HIVEP3: variants seen among roughly 807,000 people sequenced by gnomAD.
The protein encoded by HIVEP3 is transcription factor HIVEP3.
In HIVEP3, 49 loss-of-function variants were observed where a neutral mutation model predicts 152.8. That is an observed-to-expected ratio of 0.32 (90% CI 0.26 to 0.41). HIVEP3 has a LOEUF of 0.41. HIVEP3 is among the 10% of genes least tolerant of loss of function. HIVEP3 has a pLI of 1.00. For synonymous variants in HIVEP3, 1,269 were observed against 1,289.0 expected (o/e 0.98, Z 0.33); for missense variants, 2,790 against 3,103.3 (o/e 0.90, Z 2.40).
chr1:41,720,974 C>T (rs753445800), intron 1 of HIVEP3, among the ~76,000 whole-genome samples: 4 of 152,118 alleles, frequency 2.6e-5, no homozygotes, highest in Non-Finnish European at 2.9e-5. Flanking sequence ...TCCACTTAGA[C>T]GTAGTGTCTA....
upstream of HIVEP3, among the ~76,000 whole-genome samples, chr1:41,920,588 T>TTG (rs1034967831): frequency 1.3e-4 from 18 of 139,486 alleles, no homozygotes; most frequent in East Asian, 1.3e-3. Flanking sequence ...TTTTTTTTTT[T>TTG]TTGTTTTGTT....
intron 1 of HIVEP3, among the ~76,000 whole-genome samples, chr1:41,705,605 A>C (rs944935832): frequency 3.5e-4 from 54 of 152,232 alleles, no homozygotes; most frequent in Non-Finnish European, 5.0e-4. Flanking sequence ...GGGGTGCTGG[A>C]AGCAAATGTT....
chr1:41,887,438 C>T (rs953350163), intron 1 of HIVEP3, among the ~76,000 whole-genome samples: 3 of 152,144 alleles, frequency 2.0e-5, no homozygotes, highest in African/African-American at 2.4e-5. Flanking sequence ...AAATCTCAAC[C>T]CATCCCTGGA....
intron 1 of HIVEP3, among the ~76,000 whole-genome samples, chr1:42,026,313 G>A (rs1350540268): frequency 1.3e-5 from 2 of 152,090 alleles, no homozygotes; most frequent in Non-Finnish European, 2.9e-5. Flanking sequence ...TCCTTGTCCT[G>A]CAAGGCCGCC....
intron 1 of HIVEP3, among the ~76,000 whole-genome samples, chr1:41,806,670 G>A (rs2124320670): frequency 6.6e-6 from 1 of 152,332 alleles, no homozygotes; most frequent in South Asian, 2.1e-4. Context: ...GAGCAGGAAG[G>A]GGGAAACTGT....
chr1:42,003,604 G>A (rs1645441140), intron 1 of HIVEP3, among the ~76,000 whole-genome samples: 1 of 152,124 alleles, frequency 6.6e-6, no homozygotes, highest in South Asian at 2.1e-4. Context: ...TCCTGGCACA[G>A]ATCCTGAAAT....
chr1:41,878,716 C>T lies in HIVEP3; in HGVS notation c.-801+39697G>A, dbSNP rs374176489. Among the ~76,000 whole-genome samples, 30 of 144,338 alleles carry T rather than the reference C, an allele frequency of 2.1e-4. No homozygotes were observed. In the East Asian group the frequency reaches 4.2e-3, roughly 20 times the overall value. The allele number at this position is 144,338 out of a possible 152,430, so 94.7% of individuals were successfully genotyped here. On this transcript the variant is annotated intron_variant, in intron 1 of 8. Transcript: ENST00000372583. ...CTCCTCCTCCCTCTCTTTCTAACTC[C>T]CTCCCTTCCTTCCTCTCCTTCCCCC...
chr1:41,637,230 G>A (rs1028446802), intron 2 of HIVEP3, among the ~76,000 whole-genome samples: 1 of 152,164 alleles, frequency 6.6e-6, no homozygotes, highest in Non-Finnish European at 1.5e-5. Context: ...TTTTAACAGT[G>A]AGGATGGATG....
chr1:41,834,474 G>C (rs1331392716), intron 1 of HIVEP3, among the ~76,000 whole-genome samples: 1 of 152,120 alleles, frequency 6.6e-6, no homozygotes, highest in Non-Finnish European at 1.5e-5. Flanking sequence ...GTAAGTGTTG[G>C]CTATGACTGG....
In HIVEP3 at chr1:41,513,219, C is replaced by T. The variant is rs115461072; in HGVS notation, c.6002G>A (p.Arg2001Gln). The change falls in exon 8 of 9, where the codon CGA (arginine) becomes CAA (glutamine). Residue 2001 changes from arginine (R) to glutamine (Q), a missense_variant. This residue lies in a region of HIVEP3 where 816 missense variants were observed against 806.5 expected (regional missense o/e 1.01). Coordinates refer to ENST00000372583, the MANE Select transcript of HIVEP3 (RefSeq NM_024503.5). Reference protein sequence around the residue: ...DSSPQRCSPAREPQASAPSPP... With the variant: ...DSSPQRCSPAQEPQASAPSPP... ...GCTTGGGGCTGAGGCCTGTGGTTCT[C>T]GGGCCGGGGAGCATCGCTGGGGAGA... is the stretch of plus-strand genomic sequence containing the variant. The T allele has an allele frequency of 9.9e-4, 1,599 of 1,613,552 alleles. 13 individuals are homozygous for T. In the African/African-American group the frequency reaches 0.019, roughly 19 times the overall value.
chr1:41,866,885 T>C (rs1047173206), intron 1 of HIVEP3, among the ~76,000 whole-genome samples: 3 of 152,260 alleles, frequency 2.0e-5, no homozygotes, highest in African/African-American at 7.2e-5. Context: ...TCAATGCCCA[T>C]GTCCTGACTT....
chr1:41,737,049 C>A (rs910200755), intron 1 of HIVEP3, among the ~76,000 whole-genome samples: 1 of 152,174 alleles, frequency 6.6e-6, no homozygotes, highest in Non-Finnish European at 1.5e-5. Flanking sequence ...GAGGTCTTCT[C>A]CGCCCTTTCC....
At chr1:41,958,497 C>T (rs1645152032) in intron 1 of HIVEP3, among the ~76,000 whole-genome samples, 1 of 152,210 alleles carries the variant, frequency 6.6e-6, no homozygotes, top group Admixed American at 6.5e-5. Flanking sequence ...GGCCCAGCAA[C>T]AATCCTCATA....
In HIVEP3 at chr1:41,889,836, T is replaced by C. The variant is rs532939356; in HGVS notation, c.-801+28577A>G. Among the ~76,000 whole-genome samples, 132 of 152,300 alleles carry C rather than the reference T, an allele frequency of 8.7e-4. 1 individual carries two copies. Among genetic ancestry groups the C allele is most frequent in the South Asian group, 7.2e-3 (35 of 4,828 alleles). On this transcript the variant is annotated intron_variant, in intron 1 of 8. Transcript: ENST00000372583. ...GGGTTTGCAGTCTCCTTTATACTCA[T>C]CACTCCCATCTAATCCTCACAAGAA...
intron 2 of HIVEP3, among the ~76,000 whole-genome samples, chr1:41,640,742 G>T (rs1046298520): frequency 1.3e-5 from 2 of 152,304 alleles, no homozygotes; most frequent in East Asian, 3.9e-4. Flanking sequence ...TGTCTTCCAC[G>T]TGCAAAGGCT....
intron 2 of HIVEP3, among the ~76,000 whole-genome samples, chr1:41,677,740 G>A (rs949058754): frequency 2.0e-5 from 3 of 152,206 alleles, no homozygotes; most frequent in Non-Finnish European, 2.9e-5. Flanking sequence ...TCAAATCTCC[G>A]ATGACGTGAG....
chr1:41,597,050 G>T (rs893108163), intron 3 of HIVEP3, among the ~76,000 whole-genome samples: 1 of 152,048 alleles, frequency 6.6e-6, no homozygotes, highest in Non-Finnish European at 1.5e-5. Flanking sequence ...TTGGATGACT[G>T]GTCTCTGTGT....
intron 1 of HIVEP3, among the ~76,000 whole-genome samples, chr1:41,844,409 C>T (rs1468066084): frequency 3.3e-5 from 5 of 152,196 alleles, no homozygotes; most frequent in African/African-American, 9.7e-5. Context: ...CAAGTAGCAA[C>T]ACACGTTATC....
At position 41,780,102 on chromosome 1, in the gene HIVEP3, G is replaced by A. The variant is rs574696136; in HGVS notation, c.-800-79107C>T. Among the ~76,000 whole-genome samples, 5 of 152,322 alleles carry A rather than the reference G, an allele frequency of 3.3e-5. 1 individual carries two copies. In the South Asian group the frequency reaches 1.0e-3, roughly 32 times the overall value. On this transcript the variant is annotated intron_variant, in intron 1 of 8. Transcript: ENST00000372583. ...CAACCTTGCTAGGGACGAGGTTGCA[G>A]ATCAATGATCAGGGAGGAGAGAACC...
Sources: allele counts gnomAD v4.1 joint callset (sites outside exome capture counted in the v4.1 genomes callset), GRCh38; gene constraint gnomAD v4.1.1; regional missense constraint gnomAD v4.1.1; transcripts MANE v1.5; gene names NCBI Gene and HGNC (gene_info 2026-07-23, HGNC 2026-07-21).